Variants in LARS2 observed in about 807,000 individuals in gnomAD.
LARS2 encodes the protein leucine--tRNA ligase, mitochondrial.
A neutral mutation model predicts 116.6 loss-of-function variants in LARS2; 81 were observed. That is an observed-to-expected ratio of 0.69 (90% CI 0.58 to 0.84). The LOEUF (loss-of-function observed/expected upper bound fraction) is 0.84. Ranked by LOEUF, LARS2 falls within the 40% of genes least tolerant of loss-of-function variation. The pLI, the probability that LARS2 is intolerant of heterozygous loss-of-function variation, is 0.00. For missense variants in LARS2, 968 were observed against 1,114.5 expected, an observed-to-expected ratio of 0.87 and a Z score of 1.87; for synonymous variants, 396 against 407.2, an observed-to-expected ratio of 0.97 and a Z score of 0.33.
At chr3:45,483,605 C>T (rs1181925255) in intron 10 of LARS2, among the ~76,000 whole-genome samples, 2 of 152,076 alleles carry the variant, frequency 1.3e-5, no homozygotes, top group Non-Finnish European at 2.9e-5. Flanking sequence ...GCTGAGATCA[C>T]ACCACTGTAC....
At chr3:45,432,983 T>C (rs1698743305) in intron 6 of LARS2, among the ~76,000 whole-genome samples, 1 of 152,082 alleles carries the variant, frequency 6.6e-6, no homozygotes, top group African/African-American at 2.4e-5. Context: ...GAAGCGTATA[T>C]GAAATATATT....
intron 8 of LARS2, among the ~76,000 whole-genome samples, chr3:45,462,429 A>AAAAG (rs540327974): frequency 2.8e-5 from 4 of 144,910 alleles, no homozygotes; most frequent in African/African-American, 1.1e-4. Flanking sequence ...CAAAAAAAAA[A>AAAAG]AAAGAAAGAA....
chr3:45,496,307 C>T lies in LARS2; in HGVS notation c.1556C>T (p.Thr519Met), dbSNP rs141097216. 25 of 1,613,974 alleles carry T rather than the reference C, an allele frequency of 1.5e-5. No individual in the cohort carries two copies. The East Asian group carries it at 4.0e-4, about 26-fold the overall frequency. The part of the protein sequence containing the change: ...CKGAAKRETD[T>M]MDTFVDSAWY... ...GGAGCAGCCAAGAGAGAGACAGACACGATGGATACCTTTGTTGATTCTGCT... is the reference window on the plus strand; with the variant it reads ...GGAGCAGCCAAGAGAGAGACAGACATGATGGATACCTTTGTTGATTCTGCT... Residue 519 changes from threonine (T) to methionine (M), a missense_variant, in exon 14 of 22, where the codon ACG becomes ATG. Thr to Met is a moderately conservative substitution (Grantham distance 81, BLOSUM62 -1). Coordinates refer to ENST00000645846, the MANE Select transcript of LARS2 (RefSeq NM_015340.4).
intron 8 of LARS2, among the ~76,000 whole-genome samples, chr3:45,459,216 AAGAG>A (rs754047525): frequency 6.6e-6 from 1 of 152,248 alleles, no homozygotes; most frequent in South Asian, 2.1e-4. Context: ...CCTTTAAAAA[AAGAG>A]AGAGAAAAGT....
intron 6 of LARS2, among the ~76,000 whole-genome samples, chr3:45,439,210 CTTTTTTTTTTTTTTTTT>C (rs575140221): frequency 4.6e-4 from 29 of 62,458 alleles, no homozygotes; most frequent in South Asian, 7.6e-4. Context: ...GAAACTCTGG[CTTTTTTTTTTTTTTTTT>C]TTTTTTTTTT....
intron 8 of LARS2, among the ~76,000 whole-genome samples, chr3:45,467,493 C>T (rs1023586189): frequency 6.6e-6 from 1 of 152,156 alleles, no homozygotes; most frequent in Admixed American, 6.5e-5. Flanking sequence ...TAACAACATG[C>T]TCTTAACTAT....
intron 20 of LARS2, among the ~76,000 whole-genome samples, chr3:45,539,649 A>T (rs1700761701): frequency 6.6e-6 from 1 of 152,038 alleles, no homozygotes; most frequent in African/African-American, 2.4e-5. Context: ...AAACAAAGAG[A>T]AATTACCCAT....
At chr3:45,516,515 G>A (rs1482538038) in intron 17 of LARS2, among the ~76,000 whole-genome samples, 3 of 152,152 alleles carry the variant, frequency 2.0e-5, no homozygotes, top group Non-Finnish European at 2.9e-5. Context: ...CCAGTGCTCC[G>A]CCCATGCCTG....
chr3:45,393,507 G>A (rs1277011856), intron 2 of LARS2, among the ~76,000 whole-genome samples: 2 of 152,114 alleles, frequency 1.3e-5, no homozygotes, highest in African/African-American at 4.8e-5. Context: ...CCCAGGAGGT[G>A]GAGGTTGCAG....
In LARS2 at chr3:45,486,819, A is replaced by C. The variant is rs78540202; in HGVS notation, c.1123+1023A>C. Reference sequence around the variant, plus strand: ...ATAAACATAAAGGCAGTTTTTATTGATGTGGCTTTTGGGGGAGTTTTTTGT... The same window carrying C: ...ATAAACATAAAGGCAGTTTTTATTGCTGTGGCTTTTGGGGGAGTTTTTTGT... On this transcript the variant is annotated intron_variant, in intron 11 of 21. Transcript: ENST00000645846. 9.4e-3 allele frequency among the ~76,000 whole-genome samples: 1,424 copies of C among 152,264 alleles called. 45 individuals carry two copies. In the East Asian group the frequency reaches 0.13, roughly 14 times the overall value.
chr3:45,435,747 A>T (rs1430661799), intron 6 of LARS2, among the ~76,000 whole-genome samples: 3 of 152,232 alleles, frequency 2.0e-5, no homozygotes. Context: ...TAAAAAGTCA[A>T]CAGGACTTAC....
At chr3:45,497,344 C>T (rs759989765) in intron 14 of LARS2, among the ~76,000 whole-genome samples, 31 of 151,550 alleles carry the variant, frequency 2.0e-4, no homozygotes, top group Middle Eastern at 3.4e-3. Context: ...CAGTAGGTAG[C>T]CTTATAAAGA....
In LARS2 at chr3:45,430,744, C is replaced by T. The variant is rs188561237; in HGVS notation, c.516+11015C>T. 1.7e-3 allele frequency among the ~76,000 whole-genome samples: 261 copies of T among 150,480 alleles called. 3 individuals carry two copies. The highest frequency in any genetic ancestry group is 5.1e-3 in the African/African-American group (209 of 40,812). On this transcript the variant is annotated intron_variant, in intron 6 of 21. Transcript: ENST00000645846. ...GGACTACAGGCGCCCGCCACCACGC[C>T]GGACTAATTTTTTTGTATCTTTAGT...
intron 20 of LARS2, among the ~76,000 whole-genome samples, chr3:45,526,939 C>G (rs1015020308): frequency 1.3e-5 from 2 of 152,086 alleles, no homozygotes; most frequent in Non-Finnish European, 2.9e-5. Flanking sequence ...TCAGTGAAAT[C>G]CTGGAGTTCA....
At chr3:45,505,994 C>G (rs920408224) in intron 15 of LARS2, among the ~76,000 whole-genome samples, 2 of 152,090 alleles carry the variant, frequency 1.3e-5, no homozygotes, top group Non-Finnish European at 2.9e-5. Flanking sequence ...CACTCAAATG[C>G]ATTGCCAATT....
chr3:45,535,762 ACACACCCCCACACC>A (rs1237911650), intron 20 of LARS2, among the ~76,000 whole-genome samples: 20 of 36,534 alleles, frequency 5.5e-4, no homozygotes, highest in Admixed American at 2.2e-3. Context: ...ACACACACAC[ACACACCCCCACACC>A]CACATACACA....
At chr3:45,495,023 G>C (rs1247015975) in intron 13 of LARS2, among the ~76,000 whole-genome samples, 1 of 152,160 alleles carries the variant, frequency 6.6e-6, no homozygotes, top group African/African-American at 2.4e-5. Flanking sequence ...AGCTGAGATC[G>C]AGCCACTGCA....
intron 8 of LARS2, among the ~76,000 whole-genome samples, chr3:45,460,087 A>G (rs935370540): frequency 2.0e-5 from 3 of 152,252 alleles, no homozygotes; most frequent in Admixed American, 6.5e-5. Context: ...CACAATACCA[A>G]TGCCATACAG....
chr3:45,463,539 C>T (rs1368949874), intron 8 of LARS2, among the ~76,000 whole-genome samples: 1 of 152,082 alleles, frequency 6.6e-6, no homozygotes, highest in African/African-American at 2.4e-5. Context: ...GGTAGGTACT[C>T]CTCTTATCTT....
Sources: allele counts gnomAD v4.1 joint callset (sites outside exome capture counted in the v4.1 genomes callset), GRCh38; gene constraint gnomAD v4.1.1; transcripts MANE v1.5; gene names NCBI Gene and HGNC (gene_info 2026-07-23, HGNC 2026-07-21).